The following L3MBTL1 variants were observed in gnomAD, a reference collection of about 807,000 sequenced individuals.
The protein encoded by L3MBTL1 is L3MBTL histone methyl-lysine binding protein 1.
Under a neutral mutation model 105.3 loss-of-function variants are expected in L3MBTL1, and 75 were observed. The observed-to-expected ratio is 0.71, with a 90% CI of 0.59 to 0.86. L3MBTL1 has a LOEUF of 0.86. L3MBTL1 is among the 40% of genes least tolerant of loss of function. The pLI is 0.00. For synonymous variants in L3MBTL1, 452 were observed against 436.2 expected (o/e 1.04, Z -0.45); for missense variants, 1,069 against 1,126.4 (o/e 0.95, Z 0.73).
chr20:43,515,240 G>T (rs181047062), intron 5 of L3MBTL1, 52 bp from the exon 6 acceptor site: 3 of 1,612,636 alleles, frequency 1.9e-6, no homozygotes, highest in African/African-American at 2.7e-5. Context: ...TAGGAGAGGG[G>T]CTGGGTGGTG....
intron 1 of L3MBTL1, among the ~76,000 whole-genome samples, chr20:43,509,675 G>A (rs1237294621): frequency 6.6e-6 from 1 of 152,190 alleles, no homozygotes; most frequent in Non-Finnish European, 1.5e-5. Context: ...CAGAATGGTG[G>A]TGACACCTAC....
exon 19 of L3MBTL1, chr20:43,548,296 G>A: frequency 7.8e-7 from 1 of 1,288,442 alleles, no homozygotes; most frequent in Non-Finnish European, 1.0e-6. Flanking sequence ...TCCCTCTCCA[G>A]CTGATGCTTT....
chr20:43,527,516 A>G (rs180724021), intron 7 of L3MBTL1, among the ~76,000 whole-genome samples: 17 of 146,558 alleles, frequency 1.2e-4, no homozygotes, highest in Admixed American at 2.7e-4. Flanking sequence ...CATGGACAGG[A>G]CCTGGGCTGT....
intron 13 of L3MBTL1, 56 bp downstream of exon 13, chr20:43,533,474 C>T: frequency 6.8e-7 from 1 of 1,465,860 alleles, no homozygotes; most frequent in Non-Finnish European, 9.5e-7. Flanking sequence ...GCTTCCCTCT[C>T]CACTGACCCC....
chr20:43,515,194 C>T (rs2018322388), intron 5 of L3MBTL1, 35 bp downstream of exon 5: 1 of 1,613,966 alleles, frequency 6.2e-7, no homozygotes, highest in Admixed American at 1.7e-5. Context: ...ACTTGCTCTA[C>T]CTTCAGCCCC....
intron 19 of L3MBTL1, among the ~76,000 whole-genome samples, chr20:43,537,521 T>C (rs530162056): frequency 6.6e-6 from 1 of 152,222 alleles, no homozygotes; most frequent in Non-Finnish European, 1.5e-5. Flanking sequence ...AAGGCCCTTT[T>C]TCCAAATGCA....
At chr20:43,530,472 G>T in intron 10 of L3MBTL1, 53 bp downstream of exon 10, 1 of 1,573,548 alleles carries the variant, frequency 6.4e-7, no homozygotes, top group Middle Eastern at 1.7e-4. Flanking sequence ...CAGACCCTTC[G>T]CTTCTTCCCC....
chr20:43,543,453 C>G (rs1978357481), downstream of L3MBTL1, among the ~76,000 whole-genome samples: 1 of 152,194 alleles, frequency 6.6e-6, no homozygotes, highest in South Asian at 2.1e-4. Flanking sequence ...GTGACAAGGG[C>G]TGTGTCTCCC....
At position 43,516,185 on chromosome 20, in the gene L3MBTL1, G is replaced by A. The variant is rs1479018377; in HGVS notation, c.862+8G>A. On this transcript the variant is annotated splice_region_variant and intron_variant, in intron 7 of 21. Coordinates refer to ENST00000418998, the MANE Select transcript of L3MBTL1 (RefSeq NM_001377303.1). ...GGAGCAGCAGCCAGCCTGGTACGGTGGCTTGTGTGTATATATATTCGTGTG... is the reference window on the plus strand; with the variant it reads ...GGAGCAGCAGCCAGCCTGGTACGGTAGCTTGTGTGTATATATATTCGTGTG... 6.2e-7 allele frequency: 1 copy of A among 1,610,542 alleles called. No individual in the cohort carries two copies. The highest frequency in any genetic ancestry group is 1.3e-5 in the African/African-American group (1 of 74,854).
intron 6 of L3MBTL1, 87 bp from the exon 7 acceptor site, chr20:43,516,006 A>G: frequency 5.0e-6 from 5 of 1,004,570 alleles, no homozygotes; most frequent in Non-Finnish European, 7.8e-6. Context: ...ACATGGCCAG[A>G]GAGCCAGGTA....
exon 19 of L3MBTL1, chr20:43,548,213 A>G (rs776401239): frequency 1.0e-5 from 13 of 1,304,310 alleles, no homozygotes; most frequent in Non-Finnish European, 1.3e-5. Context: ...CGCCATTCTC[A>G]TGTTCAAAAA....
chr20:43,519,851 T>C (rs2018616635), intron 7 of L3MBTL1, among the ~76,000 whole-genome samples: 1 of 152,220 alleles, frequency 6.6e-6, no homozygotes, highest in South Asian at 2.1e-4. Flanking sequence ...TTCGTTTTGA[T>C]GGTGCCCAAT....
chr20:43,533,531 G>A, intron 13 of L3MBTL1, 113 bp downstream of exon 13: 1 of 834,560 alleles, frequency 1.2e-6, no homozygotes, highest in Non-Finnish European at 1.9e-6. Context: ...CAGGGTGAGA[G>A]AACAGACATG....
chr20:43,519,182 C>A (rs1368723633), intron 7 of L3MBTL1, among the ~76,000 whole-genome samples: 3 of 150,666 alleles, frequency 2.0e-5, no homozygotes, highest in South Asian at 2.1e-4. Context: ...GCAAAAAATA[C>A]AAATATTAGC....
intron 19 of L3MBTL1, among the ~76,000 whole-genome samples, chr20:43,537,161 G>A (rs2019673699): frequency 6.6e-6 from 1 of 152,212 alleles, no homozygotes; most frequent in Non-Finnish European, 1.5e-5. Context: ...GAGACATAAA[G>A]CACCTAACCC....
intron 20 of L3MBTL1, 150 bp from the exon 21 acceptor site, chr20:43,540,603 A>G: frequency 1.3e-6 from 1 of 785,376 alleles, no homozygotes; most frequent in South Asian, 1.8e-5. Context: ...AACTTGGCAC[A>G]TCTGCCAGCA....
intron 19 of L3MBTL1, 133 bp from the exon 20 acceptor site, chr20:43,540,018 A>G: frequency 2.1e-6 from 2 of 949,870 alleles, no homozygotes; most frequent in South Asian, 1.4e-5. Context: ...TCTTGACTCT[A>G]CAGGCTGTCA....
chr20:43,525,910 G>A (rs1360890312), intron 7 of L3MBTL1, among the ~76,000 whole-genome samples: 1 of 152,216 alleles, frequency 6.6e-6, no homozygotes, highest in Non-Finnish European at 1.5e-5. Flanking sequence ...AAGGAATGGT[G>A]AAGGTCAAAT....
At chr20:43,522,861 A>T (rs1382290465) in intron 7 of L3MBTL1, among the ~76,000 whole-genome samples, 4 of 142,904 alleles carry the variant, frequency 2.8e-5, no homozygotes, top group African/African-American at 1.0e-4. Context: ...CCAGCACTTT[A>T]GTAGGCCAAG....
Sources: gnomAD v4.1 joint callset for allele counts (sites outside exome capture counted in the v4.1 genomes callset) on GRCh38, gnomAD v4.1.1 for gene constraint, MANE v1.5 for transcripts, NCBI Gene and HGNC (gene_info 2026-07-23, HGNC 2026-07-21) for gene names.